The following ZNF569 variants were observed in gnomAD, a reference collection of about 807,000 sequenced individuals.
ZNF569 encodes zinc finger protein 569.
Under a neutral mutation model 56.3 loss-of-function variants are expected in ZNF569, and 38 were observed. The ratio of observed to expected loss-of-function variants is 0.68; its 90% CI spans 0.52 to 0.88. The LOEUF is 0.88. Among genes scored for constraint, ZNF569 ranks in the 40% least tolerant of loss-of-function variants. The pLI is 0.00. For missense variants in ZNF569, 666 were observed against 809.2 expected (o/e 0.82, Z 2.15); for synonymous variants, 241 against 262.9 (o/e 0.92, Z 0.81).
chr19:37,425,742 G>T, intron 5 of ZNF569, 126 bp downstream of exon 5: 1 of 787,792 alleles, frequency 1.3e-6, no homozygotes, highest in Non-Finnish European at 2.1e-6. Context: ...TGGGACTATA[G>T]GTATGAACCA....
chr19:37,412,159 A>G lies in ZNF569; in HGVS notation c.*438T>C, dbSNP rs183567444. On this transcript the variant is annotated 3_prime_UTR_variant, in exon 6 of 6. Coordinates refer to ENST00000316950, the MANE Select transcript of ZNF569 (RefSeq NM_152484.3). ...CAGGTGTTCTTTTGTGCCTTTCAAC[A>G]TATTTTATAACTTGATAAAGACCTA... The G allele has an allele frequency of 9.3e-4, 143 of 153,898 alleles. No individual in the cohort carries two copies. The highest frequency in any genetic ancestry group is 7.7e-3 in the East Asian group (40 of 5,202). 9.5% of individuals were successfully genotyped at this position (153,898 alleles called of 1,614,324 possible). A position where few individuals can be genotyped will look rare whatever the true frequency, so the allele number is the denominator to read the frequency against.
chr19:37,433,883 C>T (rs2041264604), intron 3 of ZNF569, among the ~76,000 whole-genome samples: 1 of 152,048 alleles, frequency 6.6e-6, no homozygotes, highest in African/African-American at 2.4e-5. Context: ...GAAAAAAGGA[C>T]GTTAATGAAC....
upstream of ZNF569, chr19:37,467,935 GAC>G: frequency 2.6e-6 from 4 of 1,536,126 alleles, no homozygotes; most frequent in Non-Finnish European, 3.5e-6. Flanking sequence ...TTGTGAGTGT[GAC>G]AGTGTTATTG....
At chr19:37,455,530 C>T (rs1812316361) in intron 2 of ZNF569, among the ~76,000 whole-genome samples, 1 of 152,124 alleles carries the variant, frequency 6.6e-6, no homozygotes, top group South Asian at 2.1e-4. Context: ...TTTTTTAACA[C>T]TCCACTTGCT....
chr19:37,435,560 C>T (rs1351759194), intron 3 of ZNF569, among the ~76,000 whole-genome samples: 2 of 152,028 alleles, frequency 1.3e-5, no homozygotes, highest in South Asian at 4.1e-4. Context: ...ATTATAAAAA[C>T]AAGCAAACAA....
rs111946374 is a variant in ZNF569 at position 37,444,394 on chromosome 19, T to C, written c.15+513A>G. Among the ~76,000 whole-genome samples the C allele has an allele frequency of 8.8e-3, 1,344 of 152,326 alleles. 20 individuals carry two copies. Among genetic ancestry groups the C allele is most frequent in the African/African-American group, 0.031 (1,269 of 41,564 alleles). On this transcript the variant is annotated intron_variant, in intron 3 of 5. Transcript: ENST00000316950. ...TGTAACAGTCATCTGTTCTTTTTTA[T>C]TGTTAAGTAGTATTTCACCGTGTGA...
intron 3 of ZNF569, among the ~76,000 whole-genome samples, chr19:37,428,890 C>T (rs1313856401): frequency 2.6e-5 from 4 of 152,096 alleles, no homozygotes; most frequent in Non-Finnish European, 5.9e-5. Flanking sequence ...CCAAGCTGGT[C>T]TCTAACTCCT....
At chr19:37,454,463 T>A (rs1048469369) in intron 2 of ZNF569, among the ~76,000 whole-genome samples, 1 of 152,168 alleles carries the variant, frequency 6.6e-6, no homozygotes, top group Admixed American at 6.5e-5. Context: ...GCTGTAGTGC[T>A]AGTCCTAGAG....
At chr19:37,441,129 G>A (rs1568735205) in intron 3 of ZNF569, among the ~76,000 whole-genome samples, 2 of 152,168 alleles carry the variant, frequency 1.3e-5, no homozygotes, top group South Asian at 2.1e-4. Context: ...GATGAAAGGG[G>A]AAAATCCTCT....
chr19:37,450,939 A>AT (rs2041581617), intron 2 of ZNF569, among the ~76,000 whole-genome samples: 1 of 152,088 alleles, frequency 6.6e-6, no homozygotes, highest in Non-Finnish European at 1.5e-5. Flanking sequence ...TTTCCTTGTT[A>AT]TATTGATTTC....
chr19:37,441,199 T>G (rs146224896), intron 3 of ZNF569, among the ~76,000 whole-genome samples: 297 of 152,312 alleles, frequency 1.9e-3, no homozygotes, highest in Middle Eastern at 6.8e-3. Context: ...GGAGGTAATA[T>G]GTGCCTAGAA....
chr19:37,413,186 T>C lies in ZNF569; in HGVS notation c.1472A>G (p.Glu491Gly), dbSNP rs778737687. 6.2e-7 allele frequency: 1 copy of C among 1,605,916 alleles called. No individual in the cohort carries two copies. The highest frequency in any genetic ancestry group is 8.5e-7 in the Non-Finnish European group (1 of 1,177,418). ...LIAHEKIHSGEKPYECNECGK... is the reference protein window; with the variant it reads ...LIAHEKIHSGGKPYECNECGK... ...ACATTCATTGCATTCATAGGGTTTC[T>C]CTCCAGAATGAATTTTTTCATGAGC... Residue 491 changes from glutamate to glycine, a missense_variant, in exon 6 of 6, where the codon GAG (glutamate) becomes GGG (glycine). Transcript: ENST00000316950.
At chr19:37,438,911 G>A (rs2041356990) in intron 3 of ZNF569, among the ~76,000 whole-genome samples, 1 of 152,004 alleles carries the variant, frequency 6.6e-6, no homozygotes, top group African/African-American at 2.4e-5. Context: ...TATGAAAAAA[G>A]TCTAATAACT....
At chr19:37,421,316 C>T (rs2041031682) in intron 5 of ZNF569, among the ~76,000 whole-genome samples, 1 of 152,218 alleles carries the variant, frequency 6.6e-6, no homozygotes, top group Admixed American at 6.5e-5. Context: ...GACTTCACCT[C>T]TCTAGCTGTG....
rs574596464 is a variant in ZNF569, at chr19:37,461,106, C to T, written c.-44+4207G>A. Among the ~76,000 whole-genome samples, 25 of 152,044 alleles carry T rather than the reference C, an allele frequency of 1.6e-4. No homozygotes were observed. The South Asian group carries it at 4.4e-3, about 27-fold the overall frequency. ...TCTGCCTTTTCTGTACAAACTGTAC[C>T]TAAGGGTGAACAAAGAGTTGACGAG... On this transcript the variant is annotated intron_variant, in intron 2 of 5. Transcript: ENST00000316950.
Position 37,413,549 on chromosome 19 carries a change from A to G in ZNF569, c.1109T>C (p.Ile370Thr). ...GKAFSQFSML[I>T]IHVRIHTGEK... ...ACCTGTATGAATTCTAACATGTATA[A>G]TAAGCATGGAAAACTGAGAGAAGGC... is the stretch of plus-strand genomic sequence containing the variant. The change falls in exon 6 of 6, where the codon ATT becomes ACT. Residue 370 changes from isoleucine to threonine, a missense_variant. Ile to Thr is a moderately conservative substitution (Grantham distance 89). Transcript: ENST00000316950. 6.2e-7 allele frequency: 1 copy of G among 1,613,078 alleles called. No homozygotes were observed. The highest frequency in any genetic ancestry group is 8.5e-7 in the Non-Finnish European group (1 of 1,179,622).
intron 2 of ZNF569, chr19:37,454,859 C>A (rs2041648730): frequency 1.4e-6 from 1 of 702,486 alleles, no homozygotes. Flanking sequence ...CTGGCAGAGT[C>A]CATCCCAGGT....
At chr19:37,417,744 G>A (rs1213325313) in intron 5 of ZNF569, among the ~76,000 whole-genome samples, 4 of 152,146 alleles carry the variant, frequency 2.6e-5, no homozygotes, top group Non-Finnish European at 4.4e-5. Flanking sequence ...TGATACTGGG[G>A]GTTGCCACCA....
At position 37,426,314 on chromosome 19, in the gene ZNF569, G is replaced by T; in HGVS notation, c.80C>A (p.Pro27His). 7 of 1,613,816 alleles carry T rather than the reference G, an allele frequency of 4.3e-6. No homozygotes were observed. Among genetic ancestry groups the T allele is most frequent in the Non-Finnish European group, 5.9e-6 (7 of 1,179,888 alleles). The stretch of plus-strand genomic sequence containing the variant: ...ATTCCGGTACAGTTTTCTCTGAGCA[G>T]GATCCAATCTCTTCCACTCCTCCTG... ...FTQEEWKRLD[P>H]AQRKLYRNVM... Residue 27 changes from proline (P) to histidine (H), a missense_variant, in exon 4 of 6, where the codon CCT becomes CAT. Pro to His is a moderately conservative substitution (Grantham distance 77). Coordinates refer to ENST00000316950, the MANE Select transcript of ZNF569 (RefSeq NM_152484.3).
Sources: allele counts gnomAD v4.1 joint callset (sites outside exome capture counted in the v4.1 genomes callset), GRCh38; gene constraint gnomAD v4.1.1; transcripts MANE v1.5; gene names NCBI Gene and HGNC (gene_info 2026-07-23, HGNC 2026-07-21).